The following SEC14L1 variants were observed in gnomAD, a reference collection of about 807,000 sequenced individuals.
The protein encoded by SEC14L1 is SEC14 like lipid binding 1, also known as SEC14-like protein 1.
A neutral mutation model predicts 85.3 loss-of-function variants in SEC14L1; 48 were observed. That is an observed-to-expected ratio of 0.56 (90% CI 0.45 to 0.72). The LOEUF (loss-of-function observed/expected upper bound fraction) is 0.72, where lower values mean the gene tolerates loss of function less well. SEC14L1 is among the 30% of genes least tolerant of loss of function. The pLI is 0.00. For missense variants in SEC14L1, 682 were observed against 921.4 expected, an observed-to-expected ratio of 0.74 and a Z score of 3.36; for synonymous variants, 391 against 355.5, an observed-to-expected ratio of 1.10 and a Z score of -1.12.
chr17:77,151,434 A>G (rs1007780531), intron 3 of SEC14L1, among the ~76,000 whole-genome samples: 2 of 152,154 alleles, frequency 1.3e-5, no homozygotes, highest in Admixed American at 1.3e-4. Flanking sequence ...CCGTCTCAGC[A>G]TTATGCATTC....
At position 77,194,909 on chromosome 17, in the gene SEC14L1, A is replaced by G. The variant is rs1231498200; in HGVS notation, c.707A>G (p.Asp236Gly). ...SAPEPVVGTP[D>G]DKLDADYIKR... ...CCTGAGCCCGTGGTGGGCACCCCTG[A>G]CGGTGGGTCTGGCAGGGGCTTCATC... is the stretch of plus-strand genomic sequence containing the variant. The change falls in exon 7 of 17, where the codon GAC becomes GGC. Residue 236 changes from aspartate to glycine, a missense_variant and splice_region_variant. Coordinates refer to ENST00000436233, the MANE Select transcript of SEC14L1 (RefSeq NM_001143998.2). 5.0e-6 allele frequency: 8 copies of G among 1,611,102 alleles called. No homozygotes were observed. The highest frequency in any genetic ancestry group is 5.9e-6 in the Non-Finnish European group (7 of 1,177,430).
chr17:77,135,815 T>C (rs536260232), intron 3 of SEC14L1, among the ~76,000 whole-genome samples: 32 of 152,240 alleles, frequency 2.1e-4, no homozygotes, highest in African/African-American at 7.5e-4. Flanking sequence ...ATTGCAGGCA[T>C]AAGCTATGTA....
At chr17:77,212,278 G>T in intron 15 of SEC14L1, 77 bp downstream of exon 15, 1 of 1,562,166 alleles carries the variant, frequency 6.4e-7, no homozygotes, top group East Asian at 2.2e-5. Context: ...TAGACTCTTT[G>T]CTTCGCTCCT....
intron 3 of SEC14L1, chr17:77,127,799 G>C (rs1338302834): frequency 6.6e-6 from 1 of 152,172 alleles, no homozygotes; most frequent in Non-Finnish European, 1.5e-5. Context: ...CTTGAGATGA[G>C]ATCATCGTGG....
At chr17:77,195,929 A>G (rs907688861) in intron 7 of SEC14L1, among the ~76,000 whole-genome samples, 32 of 152,100 alleles carry the variant, frequency 2.1e-4, no homozygotes, top group African/African-American at 7.0e-4. Flanking sequence ...TATTATAGTC[A>G]TGAATAGTAT....
In SEC14L1 at chr17:77,213,696, G is replaced by A. The variant is rs1390387299; in HGVS notation, c.2042+204G>A. On this transcript the variant is annotated intron_variant, in intron 16 of 16. Coordinates refer to ENST00000436233, the MANE Select transcript of SEC14L1 (RefSeq NM_001143998.2). The surrounding 1 kb of genome is among the most constrained non-coding windows in gnomAD (Gnocchi z 7.1). ...GAGGGAGAGTGTCGGAGACAGAGCCGACTGACTGCCTTTGCTTTAGCTCAC... is the reference window on the plus strand; with the variant it reads ...GAGGGAGAGTGTCGGAGACAGAGCCAACTGACTGCCTTTGCTTTAGCTCAC... 10 of 855,318 alleles carry A rather than the reference G, an allele frequency of 1.2e-5. No homozygotes were observed. Among genetic ancestry groups the A allele is most frequent in the East Asian group, 7.9e-5 (3 of 37,912 alleles). 53.0% of individuals were successfully genotyped at this position (855,318 alleles called of 1,614,324 possible).
In SEC14L1 at chr17:77,193,463, G is replaced by T; in HGVS notation, c.388G>T (p.Ala130Ser). The change falls in exon 6 of 17, where the codon GCA (alanine) becomes TCA (serine). Residue 130 changes from alanine to serine, a missense_variant. Ala to Ser is a moderately conservative substitution (Grantham distance 99). Coordinates refer to ENST00000436233, the MANE Select transcript of SEC14L1 (RefSeq NM_001143998.2). ...NEDWTCFEQS[A>S]SLDIKSFFGF... The stretch of plus-strand genomic sequence containing the variant: ...AGATTGGACCTGTTTTGAACAGTCT[G>T]CAAGTTTAGATATTAAATCTTTCTT... The T allele has an allele frequency of 6.2e-7, 1 of 1,612,646 alleles. No individual in the cohort carries two copies. Among genetic ancestry groups the T allele is most frequent in the Non-Finnish European group, 8.5e-7 (1 of 1,178,950 alleles).
At chr17:77,126,065 C>T (rs963753465) in intron 3 of SEC14L1, among the ~76,000 whole-genome samples, 3 of 152,188 alleles carry the variant, frequency 2.0e-5, no homozygotes, top group Non-Finnish European at 2.9e-5. Context: ...GCAGGAGAAT[C>T]GCTGGAACCC....
At chr17:77,121,970 G>T (rs1329288936) in intron 3 of SEC14L1, among the ~76,000 whole-genome samples, 1 of 152,174 alleles carries the variant, frequency 6.6e-6, no homozygotes, top group African/African-American at 2.4e-5. Context: ...GCTCATCTGG[G>T]CTTAAAAGGC....
intron 3 of SEC14L1, among the ~76,000 whole-genome samples, chr17:77,115,888 A>G (rs1972161154): frequency 6.6e-6 from 1 of 151,652 alleles, no homozygotes; most frequent in South Asian, 2.1e-4. Flanking sequence ...TGTTTGGTAA[A>G]GAAAAGAAGA....
At chr17:77,097,657 C>T (rs1239572022) in intron 3 of SEC14L1, among the ~76,000 whole-genome samples, 1 of 152,122 alleles carries the variant, frequency 6.6e-6, no homozygotes, top group African/African-American at 2.4e-5. Context: ...AATGACCATT[C>T]TGAAAGTGTA....
intron 3 of SEC14L1, among the ~76,000 whole-genome samples, chr17:77,159,486 T>G (rs1973964117): frequency 6.6e-6 from 1 of 151,666 alleles, no homozygotes; most frequent in African/African-American, 2.4e-5. Context: ...GTTCAAGCGA[T>G]TCTTCTCTCT....
intron 3 of SEC14L1, among the ~76,000 whole-genome samples, chr17:77,150,518 C>G (rs1414729121): frequency 6.6e-6 from 1 of 152,162 alleles, no homozygotes; most frequent in Admixed American, 6.5e-5. Flanking sequence ...GCTCTTTCAT[C>G]CATTCCAATT....
At chr17:77,156,307 G>A (rs1194392167) in intron 3 of SEC14L1, among the ~76,000 whole-genome samples, 1 of 152,162 alleles carries the variant, frequency 6.6e-6, no homozygotes, top group African/African-American at 2.4e-5. Flanking sequence ...AGGCACGGTG[G>A]CTCACACTTG....
intron 3 of SEC14L1, chr17:77,143,883 ATGAAT>A: frequency 2.5e-6 from 1 of 400,194 alleles, no homozygotes; most frequent in Non-Finnish European, 4.5e-6. Flanking sequence ...AGGGTAATGT[ATGAAT>A]TGAAGTTAAT....
chr17:77,188,179 C>A (rs1034049541), intron 3 of SEC14L1, among the ~76,000 whole-genome samples: 1 of 152,196 alleles, frequency 6.6e-6, no homozygotes, highest in South Asian at 2.1e-4. Flanking sequence ...CCAGTGATAA[C>A]GTCTTGCAGA....
chr17:77,161,790 T>G (rs2143635861), intron 3 of SEC14L1, among the ~76,000 whole-genome samples: 1 of 151,002 alleles, frequency 6.6e-6, no homozygotes, highest in East Asian at 2.0e-4. Flanking sequence ...TATTTTCCTG[T>G]TTGTGTTTAA....
chr17:77,127,005 T>C (rs1301912267), intron 3 of SEC14L1, among the ~76,000 whole-genome samples: 1 of 151,960 alleles, frequency 6.6e-6, no homozygotes, highest in African/African-American at 2.4e-5. Context: ...TTTTTTTCTT[T>C]TTCTCTTTAT....
chr17:77,134,012 C>T lies in SEC14L1; in HGVS notation c.-135-8634C>T, dbSNP rs80078888. On this transcript the variant is annotated intron_variant, in intron 3 of 19. Coordinates refer to the SEC14L1 transcript ENST00000392476. ...TTTCAGAGTGCCCACTCTCGTAATT[C>T]GACTTTAAAGGGATCCTGTCTGAGG... Among the ~76,000 whole-genome samples, 296 of 150,448 alleles carry T rather than the reference C, an allele frequency of 2.0e-3. 5 individuals are homozygous for T. The East Asian group carries it at 0.051, about 26-fold the overall frequency.
Sources: allele counts gnomAD v4.1 joint callset (sites outside exome capture counted in the v4.1 genomes callset), GRCh38; gene constraint gnomAD v4.1.1; non-coding constraint Gnocchi (gnomAD v3.1); transcripts MANE v1.5; gene names NCBI Gene and HGNC (gene_info 2026-07-23, HGNC 2026-07-21).